DIAPH2: variants seen among roughly 807,000 people sequenced by gnomAD.
DIAPH2 encodes the protein protein diaphanous homolog 2.
Under a neutral mutation model 92.7 loss-of-function variants are expected in DIAPH2, and 35 were observed. The observed-to-expected ratio is 0.38, with a 90% CI of 0.29 to 0.50. The LOEUF is 0.50. DIAPH2 is among the 20% of genes least tolerant of loss of function. DIAPH2 has a pLI of 0.94. For synonymous variants in DIAPH2, 301 were observed against 280.4 expected (o/e 1.07, Z -0.73); for missense variants, 701 against 819.5 (o/e 0.86, Z 1.77).
rs572213150 is a variant in DIAPH2, at chrX:97,455,052, C to G, written c.3241+25307C>G. Among the ~76,000 whole-genome samples the G allele has an allele frequency of 2.7e-5, 3 of 111,262 alleles. No homozygotes were observed. In the South Asian group the frequency reaches 1.1e-3, roughly 42 times the overall value. ...AAAAATGTATTTTCAATAGATTGTC[C>G]TTACGGAGGCAGCAAAGTGTACAAT... On this transcript the variant is annotated intron_variant, in intron 26 of 26. Coordinates refer to ENST00000324765, the MANE Select transcript of DIAPH2 (RefSeq NM_006729.5).
chrX:97,526,314 G>T (rs2071023820), intron 26 of DIAPH2, among the ~76,000 whole-genome samples: 1 of 111,315 alleles, frequency 9.0e-6, no homozygotes. Context: ...CGAACATGAG[G>T]TTGCTTCGAA....
At chrX:96,881,150 T>A (rs1202833713) in intron 4 of DIAPH2, among the ~76,000 whole-genome samples, 1 of 111,715 alleles carries the variant, frequency 9.0e-6, no homozygotes, top group Non-Finnish European at 1.9e-5. Flanking sequence ...ATTTGGGTTA[T>A]GTATAATGGT....
intron 21 of DIAPH2, among the ~76,000 whole-genome samples, chrX:97,140,893 G>C (rs1330813431): frequency 9.0e-6 from 1 of 111,470 alleles, no homozygotes; most frequent in Non-Finnish European, 1.9e-5. Flanking sequence ...ACATCCAATA[G>C]AATGAGAAAA....
intron 4 of DIAPH2, chrX:96,793,679 A>C (rs572263856): frequency 5.2e-5 from 19 of 366,703 alleles, no homozygotes; most frequent in South Asian, 4.4e-4. Flanking sequence ...TGCTAATCCT[A>C]TCTGGGGTTT....
intron 17 of DIAPH2, among the ~76,000 whole-genome samples, chrX:96,986,610 T>C (rs1602691344): frequency 1.8e-5 from 2 of 111,313 alleles, no homozygotes; most frequent in East Asian, 5.6e-4. Flanking sequence ...GAAATGAAAA[T>C]ATGCCCTGCT....
intron 13 of DIAPH2, among the ~76,000 whole-genome samples, chrX:96,944,501 G>A (rs2065726200): frequency 8.9e-6 from 1 of 111,855 alleles, no homozygotes; most frequent in African/African-American, 3.2e-5. Flanking sequence ...TGTCCTTTTA[G>A]TTCTTTCTTT....
intron 25 of DIAPH2, among the ~76,000 whole-genome samples, chrX:97,411,031 T>C (rs941732786): frequency 9.0e-6 from 1 of 110,948 alleles, no homozygotes; most frequent in South Asian, 3.8e-4. Context: ...CAGGCCAACA[T>C]CCAAATTCAG....
chrX:97,259,332 A>G (rs1312690671), intron 23 of DIAPH2, among the ~76,000 whole-genome samples: 1 of 111,643 alleles, frequency 9.0e-6, no homozygotes, highest in Non-Finnish European at 1.9e-5. Context: ...GTCTCAAAAA[A>G]AAAGATCAAA....
intron 7 of DIAPH2, among the ~76,000 whole-genome samples, chrX:96,914,683 A>C (rs1032260668): frequency 9.1e-6 from 1 of 110,139 alleles, no homozygotes; most frequent in Non-Finnish European, 1.9e-5. Flanking sequence ...TTTTTTTAAC[A>C]GAACATACTT....
chrX:97,058,364 T>C (rs1488066817), intron 17 of DIAPH2, among the ~76,000 whole-genome samples: 1 of 111,120 alleles, frequency 9.0e-6, no homozygotes, highest in East Asian at 2.8e-4. Flanking sequence ...CAGCAAATGT[T>C]TCTATTCCCT....
intron 26 of DIAPH2, among the ~76,000 whole-genome samples, chrX:97,596,459 C>G (rs932320297): frequency 1.8e-5 from 2 of 111,472 alleles, no homozygotes; most frequent in African/African-American, 6.5e-5. Context: ...CAACTATTGA[C>G]TTTTTGAAGG....
intron 23 of DIAPH2, among the ~76,000 whole-genome samples, chrX:97,255,200 A>G (rs1249846967): frequency 9.0e-6 from 1 of 111,368 alleles, no homozygotes; most frequent in African/African-American, 3.3e-5. Flanking sequence ...GATAAGTTCT[A>G]CATTTGTTCC....
chrX:97,275,258 G>C (rs1320907091), intron 23 of DIAPH2, among the ~76,000 whole-genome samples: 8 of 102,913 alleles, frequency 7.8e-5, no homozygotes, highest in African/African-American at 2.9e-4. Flanking sequence ...CGGGGCGGCT[G>C]GCCGGGCAGG....
At chrX:96,709,858 T>C (rs1409089814) in intron 1 of DIAPH2, among the ~76,000 whole-genome samples, 1 of 112,433 alleles carries the variant, frequency 8.9e-6, no homozygotes, top group Non-Finnish European at 1.9e-5. Context: ...AAACAGATTT[T>C]ATTCTAATTA....
intron 4 of DIAPH2, among the ~76,000 whole-genome samples, chrX:96,779,302 T>G (rs998327812): frequency 2.7e-4 from 30 of 112,119 alleles, no homozygotes; most frequent in Admixed American, 7.6e-4. Flanking sequence ...TTCAATTGTT[T>G]ACTGAAAATA....
intron 21 of DIAPH2, among the ~76,000 whole-genome samples, chrX:97,139,436 CTCTG>C (rs2067194968): frequency 9.4e-6 from 1 of 106,887 alleles, no homozygotes; most frequent in African/African-American, 3.4e-5. Flanking sequence ...TTAAAATGGT[CTCTG>C]TGTGTTTTTT....
chrX:97,102,722 C>T (rs1376240398), intron 20 of DIAPH2, among the ~76,000 whole-genome samples: 9 of 111,730 alleles, frequency 8.1e-5, no homozygotes, highest in Admixed American at 5.7e-4. Flanking sequence ...GGAGGATCAC[C>T]TGAGGTCAGG....
At chrX:96,989,998 A>C (rs1375598059) in intron 17 of DIAPH2, among the ~76,000 whole-genome samples, 2 of 112,312 alleles carry the variant, frequency 1.8e-5, no homozygotes, top group Non-Finnish European at 3.8e-5. Flanking sequence ...TAAGTTGCAC[A>C]TACAAACACA....
At chrX:97,045,559 A>C (rs2066476207) in intron 17 of DIAPH2, among the ~76,000 whole-genome samples, 1 of 111,601 alleles carries the variant, frequency 9.0e-6, no homozygotes, top group African/African-American at 3.3e-5. Flanking sequence ...CAGGCCTAAG[A>C]AAGGAGGAAG....
Sources: allele counts gnomAD v4.1 joint callset (sites outside exome capture counted in the v4.1 genomes callset), GRCh38; gene constraint gnomAD v4.1.1; transcripts MANE v1.5; gene names NCBI Gene and HGNC (gene_info 2026-07-23, HGNC 2026-07-21).